The following NR6A1 variants were observed in gnomAD, a reference collection of about 807,000 sequenced individuals.
The protein encoded by NR6A1 is retinoic acid receptor-related testis-associated receptor.
A neutral mutation model predicts 59.1 loss-of-function variants in NR6A1; 7 were observed. The observed-to-expected ratio is 0.12, with a 90% CI of 0.07 to 0.22. The LOEUF (loss-of-function observed/expected upper bound fraction) is 0.22, where lower values mean the gene tolerates loss of function less well. Among genes scored for constraint, NR6A1 ranks in the 10% least tolerant of loss-of-function variants. The pLI is 1.00. For missense variants in NR6A1, 468 were observed against 611.6 expected (o/e 0.77, Z 2.48); for synonymous variants, 243 against 236.1 (o/e 1.03, Z -0.27).
intron 7 of NR6A1, among the ~76,000 whole-genome samples, chr9:124,532,185 C>A (rs1210924442): frequency 6.6e-6 from 1 of 152,180 alleles, no homozygotes; most frequent in Admixed American, 6.5e-5. Flanking sequence ...TCTCTTTATA[C>A]CCTAAATCCA....
intron 3 of NR6A1, among the ~76,000 whole-genome samples, chr9:124,547,701 CATGT>C (rs1258374759): frequency 1.3e-5 from 2 of 152,100 alleles, no homozygotes; most frequent in African/African-American, 4.8e-5. Context: ...GCATAACCTG[CATGT>C]ATTCGTGAGG....
chr9:124,562,860 T>C (rs183895900), intron 2 of NR6A1, among the ~76,000 whole-genome samples: 72 of 152,302 alleles, frequency 4.7e-4, no homozygotes, highest in African/African-American at 1.4e-3. Flanking sequence ...CAGAGCACCA[T>C]TGACATGTGT....
At chr9:124,727,136 C>T (rs1459448971) in intron 2 of NR6A1, among the ~76,000 whole-genome samples, 1 of 151,958 alleles carries the variant, frequency 6.6e-6, no homozygotes, top group African/African-American at 2.4e-5. Context: ...GTTGTCCATT[C>T]GTCTAAAATG....
chr9:124,692,373 G>A, intron 2 of NR6A1: 1 of 412,918 alleles, frequency 2.4e-6, no homozygotes, highest in South Asian at 1.9e-5. Context: ...ACCCAGAGAG[G>A]AATGTAAGAG....
At chr9:124,598,922 C>A (rs897724853) in intron 2 of NR6A1, 1 of 700,674 alleles carries the variant, frequency 1.4e-6, no homozygotes, top group African/African-American at 1.8e-5. Flanking sequence ...TGGCTTGGGG[C>A]ACTCGTCGTT....
intron 2 of NR6A1, among the ~76,000 whole-genome samples, chr9:124,650,418 G>T (rs561651762): frequency 6.6e-6 from 1 of 152,250 alleles, no homozygotes; most frequent in Admixed American, 6.5e-5. Flanking sequence ...ATAGAATGGT[G>T]ATCACCAGAG....
intron 2 of NR6A1, among the ~76,000 whole-genome samples, chr9:124,687,664 T>C (rs946590063): frequency 2.0e-5 from 3 of 152,176 alleles, no homozygotes; most frequent in Non-Finnish European, 4.4e-5. Flanking sequence ...CAGGCTCCTT[T>C]ATGACCAGTA....
chr9:124,701,001 C>A (rs1838931708), intron 2 of NR6A1, among the ~76,000 whole-genome samples: 1 of 151,814 alleles, frequency 6.6e-6, no homozygotes, highest in South Asian at 2.1e-4. Flanking sequence ...CCTCAGGTGA[C>A]CCACCCGCCT....
intron 2 of NR6A1, among the ~76,000 whole-genome samples, chr9:124,699,888 C>T (rs1228615672): frequency 6.6e-6 from 1 of 152,200 alleles, no homozygotes; most frequent in African/African-American, 2.4e-5. Flanking sequence ...GCTCTTCTTC[C>T]AGTCTTCGCC....
chr9:124,660,745 T>C (rs998289643), intron 2 of NR6A1, among the ~76,000 whole-genome samples: 3 of 152,038 alleles, frequency 2.0e-5, no homozygotes, highest in African/African-American at 4.8e-5. Flanking sequence ...AGCTCTATTG[T>C]TGGAGTACAT....
chr9:124,642,137 C>T (rs765969522), intron 2 of NR6A1, among the ~76,000 whole-genome samples: 4 of 152,168 alleles, frequency 2.6e-5, no homozygotes, highest in Non-Finnish European at 4.4e-5. Flanking sequence ...CAACCTCTGC[C>T]TCCTGGGTTC....
intron 2 of NR6A1, among the ~76,000 whole-genome samples, chr9:124,695,108 G>A (rs1486888522): frequency 6.6e-6 from 1 of 152,184 alleles, no homozygotes; most frequent in African/African-American, 2.4e-5. Context: ...CACATTTCAT[G>A]TCATCCACTT....
In NR6A1 at chr9:124,540,007, G is replaced by C. The variant is rs774281868; in HGVS notation, c.596+26C>G. On this transcript the variant is annotated intron_variant, in intron 5 of 9. Transcript: ENST00000487099. Reference sequence around the variant, plus strand: ...CTTTGGTGGGGGATCCCTAGATGATGACCATGGGTTTGCCTTAAAGCTCAC... The same window carrying C: ...CTTTGGTGGGGGATCCCTAGATGATCACCATGGGTTTGCCTTAAAGCTCAC... 5.7e-6 allele frequency: 9 copies of C among 1,582,528 alleles called. No homozygotes were observed. The highest frequency in any genetic ancestry group is 4.6e-5 in the East Asian group (2 of 43,930).
At chr9:124,770,899 A>AGGGGCCGC in intron 1 of NR6A1, 121 bp downstream of exon 1, 1 of 512,266 alleles carries the variant, frequency 2.0e-6, no homozygotes, top group Non-Finnish European at 3.0e-6. Flanking sequence ...GGCCACCCTA[A>AGGGGCCGC]GGGGCCGCGG....
chr9:124,661,379 A>C (rs960380305), intron 2 of NR6A1, among the ~76,000 whole-genome samples: 2 of 152,186 alleles, frequency 1.3e-5, no homozygotes, highest in African/African-American at 4.8e-5. Context: ...CTGCAACCTG[A>C]GCACCAACAG....
intron 2 of NR6A1, among the ~76,000 whole-genome samples, chr9:124,687,084 C>T (rs949906680): frequency 9.9e-5 from 15 of 151,816 alleles, no homozygotes; most frequent in Non-Finnish European, 2.2e-4. Context: ...TTTGCTATCT[C>T]AGTTACTTGG....
intron 1 of NR6A1, among the ~76,000 whole-genome samples, chr9:124,737,133 G>C (rs774258797): frequency 6.6e-6 from 1 of 152,124 alleles, no homozygotes; most frequent in African/African-American, 2.4e-5. Flanking sequence ...TTGATGTGGT[G>C]ATTCCAGATG....
At chr9:124,619,718 G>C (rs1836006304) in intron 2 of NR6A1, among the ~76,000 whole-genome samples, 1 of 152,138 alleles carries the variant, frequency 6.6e-6, no homozygotes, top group Non-Finnish European at 1.5e-5. Flanking sequence ...CTGTAAAATA[G>C]GGAGGGGGGC....
chr9:124,566,097 T>C (rs1347098905), intron 2 of NR6A1, among the ~76,000 whole-genome samples: 2 of 152,188 alleles, frequency 1.3e-5, no homozygotes, highest in African/African-American at 4.8e-5. Flanking sequence ...CGTTCAACAA[T>C]GAAATACTAT....
Sources: allele counts gnomAD v4.1 joint callset (sites outside exome capture counted in the v4.1 genomes callset), GRCh38; gene constraint gnomAD v4.1.1; transcripts MANE v1.5; gene names NCBI Gene and HGNC (gene_info 2026-07-23, HGNC 2026-07-21).